The following MYO1E variants were observed in gnomAD, a reference collection of about 807,000 sequenced individuals.
The protein encoded by MYO1E is myosin IE.
A neutral mutation model predicts 151.1 loss-of-function variants in MYO1E; 68 were observed. That is an observed-to-expected ratio of 0.45 (90% CI 0.37 to 0.55). The LOEUF is 0.55. Among genes scored for constraint, MYO1E ranks in the 20% least tolerant of loss-of-function variants. The pLI, the probability that MYO1E is intolerant of heterozygous loss-of-function variation, is 0.00. For synonymous variants in MYO1E, 601 were observed against 501.7 expected, an observed-to-expected ratio of 1.20 and a Z score of -2.64; for missense variants, 1,363 against 1,389.3, an observed-to-expected ratio of 0.98 and a Z score of 0.30.
intron 1 of MYO1E, among the ~76,000 whole-genome samples, chr15:59,353,029 T>G (rs1450121876): frequency 6.6e-6 from 1 of 152,200 alleles, no homozygotes. Context: ...ATTTCTTTTC[T>G]AAGGAAGTCA....
chr15:59,163,360 TG>T (rs2079548483), intron 22 of MYO1E, 57 bp from the exon 23 acceptor site: 13 of 1,547,686 alleles, frequency 8.4e-6, no homozygotes, highest in African/African-American at 1.4e-5. Flanking sequence ...TTTACTCTAT[TG>T]TTTTTTTTTT....
chr15:59,338,484 G>A lies in MYO1E; in HGVS notation c.3+34014C>T, dbSNP rs1412236519. ...GAACAGAGAAAAATGTTTCCTCTCT[G>A]GTTTTAGAACATCTCCTCTTAAGCT... On this transcript the variant is annotated intron_variant, in intron 1 of 27. Transcript: ENST00000288235. Among the ~76,000 whole-genome samples, 6 of 152,026 alleles carry A rather than the reference G, an allele frequency of 3.9e-5. No homozygotes were observed. The South Asian group carries it at 1.2e-3, about 32-fold the overall frequency.
At chr15:59,150,164 C>CTAAG (rs1326770137) in intron 26 of MYO1E, among the ~76,000 whole-genome samples, 4 of 152,214 alleles carry the variant, frequency 2.6e-5, no homozygotes, top group African/African-American at 9.6e-5. Flanking sequence ...AGGAGGCTGG[C>CTAAG]TAAGACACAG....
intron 17 of MYO1E, among the ~76,000 whole-genome samples, chr15:59,191,085 G>C (rs138133742): frequency 5.9e-5 from 9 of 152,260 alleles, no homozygotes; most frequent in Admixed American, 5.9e-4. Context: ...AGAGTCTCCA[G>C]TTTGATGGGT....
chr15:59,205,761 C>T (rs1438016146), intron 14 of MYO1E, among the ~76,000 whole-genome samples: 4 of 152,126 alleles, frequency 2.6e-5, no homozygotes, highest in African/African-American at 9.7e-5. Context: ...CCAGCTGATC[C>T]GTAATCAGAA....
At chr15:59,251,549 T>C (rs1302949282) in intron 4 of MYO1E, among the ~76,000 whole-genome samples, 1 of 152,218 alleles carries the variant, frequency 6.6e-6, no homozygotes, top group Non-Finnish European at 1.5e-5. Context: ...AAATGTACTA[T>C]TAATTACTGA....
intron 26 of MYO1E, among the ~76,000 whole-genome samples, chr15:59,140,435 C>T (rs1299176593): frequency 2.6e-5 from 4 of 152,230 alleles, no homozygotes; most frequent in Non-Finnish European, 5.9e-5. Flanking sequence ...TTTTCCACTT[C>T]GCTTAAGGAC....
intron 1 of MYO1E, among the ~76,000 whole-genome samples, chr15:59,277,100 C>A (rs2080323582): frequency 6.6e-6 from 1 of 152,120 alleles, no homozygotes; most frequent in African/African-American, 2.4e-5. Flanking sequence ...GGTCCCCCAC[C>A]CCGTACAGGG....
chr15:59,165,873 C>T (rs138546939), intron 22 of MYO1E, among the ~76,000 whole-genome samples: 5 of 152,284 alleles, frequency 3.3e-5, no homozygotes, highest in Non-Finnish European at 7.4e-5. Context: ...GAATGAAACG[C>T]CTTCCTGTTT....
rs371858017 is a variant in MYO1E, at chr15:59,253,585, G to A, written c.332+2699C>T. Among the ~76,000 whole-genome samples, 4 of 149,828 alleles carry A rather than the reference G, an allele frequency of 2.7e-5. No homozygotes were observed. In the South Asian group the frequency reaches 6.5e-4, roughly 24 times the overall value. Reference sequence around the variant, plus strand: ...AAAACTCTGCTTCCTGGGTTCAAGCGATTTCCCTGCCTCAGCCTCCCAAGT... The same window carrying A: ...AAAACTCTGCTTCCTGGGTTCAAGCAATTTCCCTGCCTCAGCCTCCCAAGT... On this transcript the variant is annotated intron_variant, in intron 4 of 27. Transcript: ENST00000288235.
At chr15:59,343,011 A>G (rs2080774363) in intron 1 of MYO1E, among the ~76,000 whole-genome samples, 1 of 152,012 alleles carries the variant, frequency 6.6e-6, no homozygotes. Flanking sequence ...TCATCCTTTC[A>G]TCTTTCTATT....
At chr15:59,282,804 C>T (rs1033304440) in intron 1 of MYO1E, among the ~76,000 whole-genome samples, 25 of 140,192 alleles carry the variant, frequency 1.8e-4, no homozygotes, top group Admixed American at 1.0e-3. Context: ...GCCGTGACTG[C>T]GTTACTGCAC....
At chr15:59,296,746 T>C (rs1408036524) in intron 1 of MYO1E, among the ~76,000 whole-genome samples, 1 of 152,004 alleles carries the variant, frequency 6.6e-6, no homozygotes, top group African/African-American at 2.4e-5. Context: ...TGTGTTTGAG[T>C]GCAGGACAAT....
At chr15:59,141,237 A>G (rs550011889) in intron 26 of MYO1E, among the ~76,000 whole-genome samples, 1 of 152,142 alleles carries the variant, frequency 6.6e-6, no homozygotes, top group Non-Finnish European at 1.5e-5. Context: ...ATGGAAGGAC[A>G]CAGATGCACA....
chr15:59,366,997 C>CAAA (rs66848377), intron 1 of MYO1E, among the ~76,000 whole-genome samples: 58 of 28,516 alleles, frequency 2.0e-3, no homozygotes, highest in African/African-American at 3.1e-3. Flanking sequence ...TGCATTTTCG[C>CAAA]AAAAAAAAAA....
chr15:59,224,872 C>T (rs2140350658), intron 7 of MYO1E, 49 bp from the exon 8 acceptor site: 2 of 1,613,368 alleles, frequency 1.2e-6, no homozygotes, highest in Non-Finnish European at 8.5e-7. Context: ...CACAAGGCAC[C>T]CGAAGTCACT....
chr15:59,199,257 C>T (rs1485018049), intron 16 of MYO1E, among the ~76,000 whole-genome samples: 7 of 152,002 alleles, frequency 4.6e-5, no homozygotes, highest in African/African-American at 1.7e-4. Flanking sequence ...CCACCATGCC[C>T]AGCTAATTTT....
rs766935862 is a variant in MYO1E, at chr15:59,138,369, T to C, written c.3081-2A>G. The C allele has an allele frequency of 6.2e-7, 1 of 1,613,892 alleles. No homozygotes were observed. Among genetic ancestry groups the C allele is most frequent in the Non-Finnish European group, 8.5e-7 (1 of 1,179,912 alleles). ...CGACTGGTTGTTTGTCTCCTGACCC[T>C]GTGGAGAGAGTGGAGCAGATGAGAC... On this transcript the variant is annotated splice_acceptor_variant, in intron 26 of 27. Coordinates refer to ENST00000288235, the MANE Select transcript of MYO1E (RefSeq NM_004998.4). LOFTEE classifies it high-confidence loss of function.
chr15:59,319,869 T>C (rs1262092660), intron 1 of MYO1E, among the ~76,000 whole-genome samples: 2 of 151,970 alleles, frequency 1.3e-5, no homozygotes, highest in Non-Finnish European at 2.9e-5. Context: ...GCCATTGCAC[T>C]CCAGCCTGGG....
Sources: allele counts gnomAD v4.1 joint callset (sites outside exome capture counted in the v4.1 genomes callset), GRCh38; gene constraint gnomAD v4.1.1; transcripts MANE v1.5; gene names NCBI Gene and HGNC (gene_info 2026-07-23, HGNC 2026-07-21).